The following SH3GL1 variants were observed in gnomAD, a reference collection of about 807,000 sequenced individuals.
SH3GL1 encodes the protein endophilin-A2.
Under a neutral mutation model 48.8 loss-of-function variants are expected in SH3GL1, and 21 were observed. The ratio of observed to expected loss-of-function variants is 0.43; its 90% confidence interval spans 0.30 to 0.62. The LOEUF (loss-of-function observed/expected upper bound fraction) is 0.62. Among genes scored for constraint, SH3GL1 ranks in the 20% least tolerant of loss-of-function variants. SH3GL1 has a pLI of 0.11. For missense variants in SH3GL1, 454 were observed against 503.0 expected (o/e 0.90, Z 0.93); for synonymous variants, 282 against 217.5 (o/e 1.30, Z -2.61).
At chr19:4,384,551 G>A (rs1386756849) in intron 1 of SH3GL1, among the ~76,000 whole-genome samples, 1 of 152,164 alleles carries the variant, frequency 6.6e-6, no homozygotes, top group African/African-American at 2.4e-5. Flanking sequence ...GGCTATTCAT[G>A]GGCATAGTCA....
chr19:4,392,761 G>C (rs541581544), intron 1 of SH3GL1, among the ~76,000 whole-genome samples: 33 of 152,036 alleles, frequency 2.2e-4, no homozygotes, highest in Admixed American at 1.8e-3. Context: ...GGCCAACAAG[G>C]CGAAACCCCG....
intron 1 of SH3GL1, among the ~76,000 whole-genome samples, chr19:4,399,004 T>C (rs1973471682): frequency 6.6e-6 from 1 of 152,048 alleles, no homozygotes; most frequent in African/African-American, 2.4e-5. Context: ...TGTCATGGAA[T>C]GAAATACAAT....
At chr19:4,363,632 C>G (rs1036896818) in intron 6 of SH3GL1, 88 bp downstream of exon 6, 2 of 1,559,292 alleles carry the variant, frequency 1.3e-6, no homozygotes, top group Admixed American at 3.3e-5. Flanking sequence ...CAGGTAGGTG[C>G]CGATCTGTCC....
chr19:4,380,783 G>A (rs533430036), intron 1 of SH3GL1, among the ~76,000 whole-genome samples: 1 of 152,198 alleles, frequency 6.6e-6, no homozygotes, highest in African/African-American at 2.4e-5. Context: ...TTAAGTAACG[G>A]GGACTGAATT....
Position 4,389,425 on chromosome 19 carries a change from T to C in SH3GL1, c.45+10899A>G, listed in dbSNP as rs1973294775. ...GTGGAGAGAAAATGAGGTTGGGAGG[T>C]AGGAGAGGCCGGTGACATGGACAGG... On this transcript the variant is annotated intron_variant, in intron 1 of 9. Coordinates refer to ENST00000269886, the MANE Select transcript of SH3GL1 (RefSeq NM_003025.4). The surrounding 1 kb of genome is among the most constrained non-coding windows in gnomAD (Gnocchi z 4.5). 1.3e-5 allele frequency among the ~76,000 whole-genome samples: 2 copies of C among 150,234 alleles called. No individual in the cohort carries two copies. Among genetic ancestry groups the C allele is most frequent in the South Asian group, 4.2e-4 (2 of 4,746 alleles).
intron 1 of SH3GL1, among the ~76,000 whole-genome samples, chr19:4,393,656 G>A (rs1024852654): frequency 6.6e-6 from 1 of 151,898 alleles, no homozygotes; most frequent in Non-Finnish European, 1.5e-5. Flanking sequence ...TGGGCGTGGT[G>A]GTATGTGCCT....
rs899288781 is a variant in SH3GL1, at chr19:4,376,904, C to T, written c.46-9910G>A. Among the ~76,000 whole-genome samples, 3 of 152,214 alleles carry T rather than the reference C, an allele frequency of 2.0e-5. No homozygotes were observed. Among genetic ancestry groups the T allele is most frequent in the Non-Finnish European group, 4.4e-5 (3 of 68,038 alleles). On this transcript the variant is annotated intron_variant, in intron 1 of 9. Coordinates refer to ENST00000269886, the MANE Select transcript of SH3GL1 (RefSeq NM_003025.4). The surrounding 1 kb of genome is among the most constrained non-coding windows in gnomAD (Gnocchi z 4.3). The stretch of plus-strand genomic sequence containing the variant: ...TAGAATAAAGGACCCCGGGCAACCT[C>T]TTGGGGGTCCTCGCCACATCCCACC...
At chr19:4,362,452 G>A (rs544100874) in intron 8 of SH3GL1, 67 bp from the exon 9 acceptor site, 1 of 1,575,212 alleles carries the variant, frequency 6.3e-7, no homozygotes, top group South Asian at 1.1e-5. Flanking sequence ...TCTGCAGAAG[G>A]CTGGGGCCAG....
chr19:4,369,594 C>T (rs553507502), intron 1 of SH3GL1, among the ~76,000 whole-genome samples: 298 of 152,324 alleles, frequency 2.0e-3, no homozygotes, highest in African/African-American at 6.9e-3. Context: ...GGACCCGCCA[C>T]GGTACCAAAG....
chr19:4,392,493 C>T (rs959934941), intron 1 of SH3GL1, among the ~76,000 whole-genome samples: 6 of 149,690 alleles, frequency 4.0e-5, no homozygotes, highest in Non-Finnish European at 7.4e-5. Context: ...CGCTGCACTC[C>T]AGCCTGGGAC....
intron 1 of SH3GL1, among the ~76,000 whole-genome samples, chr19:4,381,133 CCCTG>C (rs1372306588): frequency 8.2e-6 from 1 of 121,708 alleles, no homozygotes; most frequent in East Asian, 2.7e-4. Flanking sequence ...CTCTCTATCC[CCCTG>C]CCTCTCTGTT....
Position 4,361,796 on chromosome 19 carries a change from G to C in SH3GL1, c.911C>G (p.Pro304Arg). ...CTTGCAGCTCGGCTGGTCCAGGGGC[G>C]CTGGGGGCGGGAGCGGGCTGTGGGG... Reference protein sequence around the residue: ...KPIRTPSRSMPPLDQPSCKAL... With the variant: ...KPIRTPSRSMRPLDQPSCKAL... The change falls in exon 10 of 10, where the codon CCG (proline) becomes CGG (arginine). Residue 304 changes from proline (P) to arginine (R), a missense_variant and splice_region_variant. Transcript: ENST00000269886. 1 of 1,604,462 alleles carries C rather than the reference G, an allele frequency of 6.2e-7. No homozygotes were observed. The highest frequency in any genetic ancestry group is 8.5e-7 in the Non-Finnish European group (1 of 1,178,406).
intron 1 of SH3GL1, among the ~76,000 whole-genome samples, chr19:4,392,518 T>TCA (rs60108906): frequency 0.049 from 6,740 of 137,602 alleles, 163 homozygotes; most frequent in Admixed American, 0.08. Flanking sequence ...CAAGACTCCG[T>TCA]CACACACACA....
At chr19:4,375,197 C>A (rs765404494) in intron 1 of SH3GL1, among the ~76,000 whole-genome samples, 1 of 152,106 alleles carries the variant, frequency 6.6e-6, no homozygotes, top group Admixed American at 6.5e-5. Flanking sequence ...AGGACAACCC[C>A]GAGAGGAGTG....
intron 1 of SH3GL1, among the ~76,000 whole-genome samples, chr19:4,395,137 C>T (rs180992377): frequency 2.1e-5 from 3 of 140,544 alleles, no homozygotes; most frequent in Non-Finnish European, 4.6e-5. Context: ...TGGAAACTGT[C>T]CCTTTTCTAA....
At chr19:4,377,749 C>T (rs1421250396) in intron 1 of SH3GL1, among the ~76,000 whole-genome samples, 2 of 152,244 alleles carry the variant, frequency 1.3e-5, no homozygotes, top group Non-Finnish European at 2.9e-5. Flanking sequence ...CTGCCTGCTC[C>T]TTACACAGTG....
intron 3 of SH3GL1, 93 bp from the exon 4 acceptor site, chr19:4,365,718 C>G (rs930508064): frequency 6.4e-7 from 1 of 1,556,260 alleles, no homozygotes; most frequent in African/African-American, 1.4e-5. Flanking sequence ...CCCACCCTTG[C>G]TTCCTGTGCC....
At chr19:4,383,310 G>A (rs1973172653) in intron 1 of SH3GL1, among the ~76,000 whole-genome samples, 1 of 151,690 alleles carries the variant, frequency 6.6e-6, no homozygotes, top group Non-Finnish European at 1.5e-5. Flanking sequence ...GACTTCCCAA[G>A]CTCAATCAAT....
At chr19:4,379,489 G>A (rs946219152) in intron 1 of SH3GL1, among the ~76,000 whole-genome samples, 1 of 151,864 alleles carries the variant, frequency 6.6e-6, no homozygotes, top group African/African-American at 2.4e-5. Flanking sequence ...TTAAAAAGAA[G>A]GTTGGTAGAA....
Sources: allele counts gnomAD v4.1 joint callset (sites outside exome capture counted in the v4.1 genomes callset), GRCh38; gene constraint gnomAD v4.1.1; non-coding constraint Gnocchi (gnomAD v3.1); transcripts MANE v1.5; gene names NCBI Gene and HGNC (gene_info 2026-07-23, HGNC 2026-07-21).